NLRP7: variants seen among roughly 807,000 people sequenced by gnomAD.
The protein encoded by NLRP7 is NLR family pyrin domain containing 7.
A neutral mutation model predicts 85.5 loss-of-function variants in NLRP7; 72 were observed. The observed-to-expected ratio is 0.84, with a 90% CI of 0.70 to 1.02. NLRP7 has a LOEUF of 1.02. Among genes scored for constraint, NLRP7 ranks in the 50% least tolerant of loss-of-function variants. NLRP7 has a pLI of 0.00. For missense variants in NLRP7, 1,243 were observed against 1,219.5 expected (o/e 1.02, Z -0.29); for synonymous variants, 550 against 505.2 (o/e 1.09, Z -1.19).
chr19:54,955,246 T>A (rs1201697463), intron 1 of NLRP7, among the ~76,000 whole-genome samples: 1 of 150,656 alleles, frequency 6.6e-6, no homozygotes, highest in East Asian at 2.0e-4. Flanking sequence ...GGAGAATCAC[T>A]TGAACCCGGG....
At chr19:54,939,003 G>C in exon 4 of NLRP7, 1 of 1,614,184 alleles carries the variant, frequency 6.2e-7, no homozygotes, top group East Asian at 2.2e-5. Context: ...AAGGAACAAT[G>C]CATCACTTCA....
intron 5 of NLRP7, among the ~76,000 whole-genome samples, chr19:54,937,111 G>A (rs549615558): frequency 1.4e-4 from 21 of 151,668 alleles, no homozygotes; most frequent in African/African-American, 4.6e-4. Context: ...CCAGCTACTC[G>A]GGAGGCTGAG....
At chr19:54,940,064 A>C in exon 4 of NLRP7, 1 of 1,614,146 alleles carries the variant, frequency 6.2e-7, no homozygotes, top group Non-Finnish European at 8.5e-7. Flanking sequence ...AAGGCCATCG[A>C]CCACGAACAG....
At chr19:54,951,016 G>A (rs980096784), upstream of NLRP7, among the ~76,000 whole-genome samples, 3 of 152,190 alleles carry the variant, frequency 2.0e-5, no homozygotes, top group African/African-American at 7.2e-5. Context: ...TAAGGAGCAT[G>A]CTGCCTTCAA....
At chr19:54,931,937 C>T (rs1569539479) in intron 8 of NLRP7, among the ~76,000 whole-genome samples, 1 of 152,012 alleles carries the variant, frequency 6.6e-6, no homozygotes, top group Non-Finnish European at 1.5e-5. Flanking sequence ...TTCAGACCGA[C>T]CCAGGACAGG....
chr19:54,958,390 C>T (rs1213603702), intron 1 of NLRP7, among the ~76,000 whole-genome samples: 1 of 151,360 alleles, frequency 6.6e-6, no homozygotes, highest in African/African-American at 2.5e-5. Flanking sequence ...GCCTCTAATC[C>T]CAGCACTTTG....
rs945832175 is a variant in NLRP7 at position 54,941,327 on chromosome 19, C to T, written c.277+108G>A. 4.8e-5 allele frequency: 40 copies of T among 829,924 alleles called. No homozygotes were observed. The South Asian group carries it at 5.6e-4, about 12-fold the overall frequency. 51.4% of individuals were successfully genotyped at this position (829,924 alleles called of 1,614,324 possible). A position where few individuals can be genotyped will look rare whatever the true frequency, so the allele number is the denominator to read the frequency against. ...GAGGTTGCAGTGAGCCCAGATCTCG[C>T]CACTGCACTCCAGCCTTACACTCCA... is the stretch of plus-strand genomic sequence containing the variant. On this transcript the variant is annotated intron_variant, in intron 2 of 9. Coordinates refer to ENST00000340844, the Ensembl canonical transcript of NLRP7.
At position 54,938,197 on chromosome 19, in the gene NLRP7, C is replaced by T. The variant is rs765446538; in HGVS notation, c.1976G>A (p.Arg659His). 8 of 1,614,034 alleles carry T rather than the reference C, an allele frequency of 5.0e-6. No homozygotes were observed. Among genetic ancestry groups the T allele is most frequent in the South Asian group, 2.2e-5 (2 of 91,084 alleles). Residue 659 changes from arginine (R) to histidine (H), a missense_variant, in exon 5 of 10, where the codon CGC (arginine) becomes CAC (histidine). Physicochemically the swap from Arg to His is conservative, Grantham distance 29. Coordinates refer to ENST00000340844, the Ensembl canonical transcript of NLRP7. The stretch of plus-strand genomic sequence containing the variant: ...GAAATCTGTCCAGAGGCGAAGAGAG[C>T]GAAGATCCTGCCGAGCCCAGTTCGG...
At chr19:54,956,490 G>GACC (rs1425557041) in intron 1 of NLRP7, among the ~76,000 whole-genome samples, 2 of 151,674 alleles carry the variant, frequency 1.3e-5, no homozygotes, top group Admixed American at 1.3e-4. Context: ...AGGACTTTGA[G>GACC]ACCACCCTGG....
At position 54,940,120 on chromosome 19, in the gene NLRP7, T is replaced by C. The variant is rs140452601; in HGVS notation, c.699A>G (p.Glu233=). ...GGATGCTTGGAATGTCATCCTGCAA[T>C]TCAGGCCAGTCTTTGGAGATCAGCT... Residue 233 remains glutamate, a synonymous_variant, in exon 4 of 10, where the codon GAA becomes GAG. Transcript: ENST00000340844. 1.2e-4 allele frequency: 191 copies of C among 1,614,096 alleles called. No homozygotes were observed. Among genetic ancestry groups the C allele is most frequent in the Non-Finnish European group, 1.5e-4 (172 of 1,180,044 alleles).
chr19:54,961,760 C>G (rs1011821035), intron 1 of NLRP7, among the ~76,000 whole-genome samples: 3 of 149,992 alleles, frequency 2.0e-5, no homozygotes, highest in Non-Finnish European at 4.4e-5. Flanking sequence ...TGCAGTGAGC[C>G]GAGACCACAC....
At chr19:54,955,184 C>G (rs1331640753) in intron 1 of NLRP7, among the ~76,000 whole-genome samples, 3 of 151,896 alleles carry the variant, frequency 2.0e-5, no homozygotes, top group Non-Finnish European at 4.4e-5. Flanking sequence ...AAAAAATTAG[C>G]TGGGTGTGGT....
chr19:54,936,609 G>A (rs1055318111), intron 5 of NLRP7, among the ~76,000 whole-genome samples, 178 bp from the exon 6 acceptor site: 1 of 150,498 alleles, frequency 6.6e-6, no homozygotes, highest in African/African-American at 2.4e-5. Flanking sequence ...ATAACCTGAG[G>A]TCAGGAGTCT....
Position 54,934,084 on chromosome 19 carries a change from C to T in NLRP7, c.2472-345G>A, listed in dbSNP as rs2068790768. On this transcript the variant is annotated intron_variant, in intron 7 of 9. Transcript: ENST00000340844. This position sits in a 1 kb window ranked among gnomAD's most constrained non-coding sequence, Gnocchi z 6.7. ...TCAGCCTCCTGAGTAGCTGGGACTA[C>T]AGGCGCCCACCACACCTGGATAATT... Among the ~76,000 whole-genome samples the T allele has an allele frequency of 6.6e-6, 1 of 152,138 alleles. No homozygotes were observed. Among genetic ancestry groups the T allele is most frequent in the Non-Finnish European group, 1.5e-5 (1 of 68,022 alleles).
rs757126054 is a variant in NLRP7 at position 54,938,902 on chromosome 19, G to C, written c.1917C>G (p.Asp639Glu). 5.9e-5 allele frequency: 96 copies of C among 1,614,026 alleles called. 2 individuals carry two copies. In the South Asian group the frequency reaches 9.9e-4, roughly 17 times the overall value. ...ACAGTTCTTACCTTTCAAATTCAAT[G>C]TCCAGTTCAAAATCCATGTAATTCT... The change falls in exon 4 of 10, where the codon GAC (aspartate) becomes GAG (glutamate). Residue 639 changes from aspartate (D) to glutamate (E), a missense_variant. Asp to Glu is a conservative substitution (Grantham distance 45). This residue lies in a region of NLRP7 where 613 missense variants were observed against 588.4 expected (regional missense o/e 1.04). Transcript: ENST00000340844.
At position 54,935,589 on chromosome 19, in the gene NLRP7, G is replaced by A. The variant is rs375240799; in HGVS notation, c.2300+672C>T. On this transcript the variant is annotated intron_variant, in intron 6 of 9. Coordinates refer to ENST00000340844, the Ensembl canonical transcript of NLRP7. Reference sequence around the variant, plus strand: ...TGCACGCCTGTAACCCCAGCTACTCGGGAAGCTGAGGCAGAACTGCTTGAA... The same window carrying A: ...TGCACGCCTGTAACCCCAGCTACTCAGGAAGCTGAGGCAGAACTGCTTGAA... Among the ~76,000 whole-genome samples the A allele has an allele frequency of 8.6e-3, 798 of 92,830 alleles. 7 individuals carry two copies. The highest frequency in any genetic ancestry group is 0.033 in the African/African-American group (713 of 21,926). 60.9% of individuals were successfully genotyped at this position (92,830 alleles called of 152,430 possible). A position where few individuals can be genotyped will look rare whatever the true frequency, so the allele number is the denominator to read the frequency against.
Position 54,934,615 on chromosome 19 carries a change from A to C in NLRP7, c.2345T>G (p.Phe782Cys). Reference sequence around the variant, plus strand: ...GGACTGGTTGGCTTTGAGGACATAGAAGAATTCAGCCCACTGCTCCGGGGT... The same window carrying C: ...GGACTGGTTGGCTTTGAGGACATAGCAGAATTCAGCCCACTGCTCCGGGGT... Residue 782 changes from phenylalanine (F) to cysteine (C), a missense_variant, in exon 7 of 10, where the codon TTC (phenylalanine) becomes TGC (cysteine). Physicochemically the swap from Phe to Cys is radical, Grantham distance 205 (BLOSUM62 -2). This residue lies in a region of NLRP7 where 613 missense variants were observed against 588.4 expected (regional missense o/e 1.04). Transcript: ENST00000340844. This position sits in a 1 kb window ranked among gnomAD's most constrained non-coding sequence, Gnocchi z 6.7. 1.2e-6 allele frequency: 2 copies of C among 1,614,070 alleles called. No individual in the cohort carries two copies.
chr19:54,945,238 CAAAA>C (rs75770706), intron 1 of NLRP7, among the ~76,000 whole-genome samples: 4 of 69,686 alleles, frequency 5.7e-5, no homozygotes, highest in African/African-American at 1.4e-4. Context: ...GACTCCCTCT[CAAAA>C]AAAAAAAAAA....
chr19:54,931,089 T>C (rs1379393845), intron 8 of NLRP7, among the ~76,000 whole-genome samples: 4 of 152,238 alleles, frequency 2.6e-5, no homozygotes, highest in Non-Finnish European at 4.4e-5. Flanking sequence ...AATTGACCCA[T>C]GAACTGGAGC....
Sources: allele counts gnomAD v4.1 joint callset (sites outside exome capture counted in the v4.1 genomes callset), GRCh38; gene constraint gnomAD v4.1.1; regional missense constraint gnomAD v4.1.1; non-coding constraint Gnocchi (gnomAD v3.1); transcripts MANE v1.5; gene names NCBI Gene and HGNC (gene_info 2026-07-23, HGNC 2026-07-21).